The following SIRT2 variants were observed in gnomAD, a reference collection of about 807,000 sequenced individuals.
SIRT2 encodes NAD-dependent protein deacetylase sirtuin-2.
In SIRT2, 40 loss-of-function variants were observed where a neutral mutation model predicts 57.4. That is an observed-to-expected ratio of 0.70 (90% CI 0.54 to 0.91). The LOEUF (loss-of-function observed/expected upper bound fraction) is 0.91, where lower values mean the gene tolerates loss of function less well. SIRT2 is among the 40% of genes least tolerant of loss of function. SIRT2 has a pLI of 0.00. For synonymous variants in SIRT2, 161 were observed against 195.7 expected (o/e 0.82, Z 1.48); for missense variants, 439 against 510.4 (o/e 0.86, Z 1.35).
At position 38,893,434 on chromosome 19, in the gene SIRT2, C is replaced by T. The variant is rs201911244; in HGVS notation, c.206G>A (p.Arg69Gln). The change falls in exon 4 of 16, where the codon CGG becomes CAG. Residue 69 changes from arginine (R) to glutamine (Q), a missense_variant. Coordinates refer to ENST00000249396, the MANE Select transcript of SIRT2 (RefSeq NM_012237.4). ...CTCACAGCGTTCGCTCTGCATGTAC[C>T]GGGCCACCCCTTCCAAGGTCAGCTC... ...LDELTLEGVA[R>Q]YMQSERCRRV... The T allele has an allele frequency of 5.8e-5, 93 of 1,613,202 alleles. No individual in the cohort carries two copies. The highest frequency in any genetic ancestry group is 4.4e-4 in the South Asian group (40 of 91,070).
Position 38,893,887 on chromosome 19 carries a change from G to A in SIRT2, c.64-20C>T, listed in dbSNP as rs780238478. ...TGAGTCCTGGAAGGGGTGGGGTGGA[G>A]TGGCCAGGCCCGAGAGGTGGGATTA... On this transcript the variant is annotated intron_variant, in intron 2 of 15. Transcript: ENST00000249396. 3.7e-6 allele frequency: 6 copies of A among 1,613,948 alleles called. No individual in the cohort carries two copies. The Admixed American group carries it at 8.3e-5, about 22-fold the overall frequency.
chr19:38,879,400 G>A, intron 15 of SIRT2, 34 bp downstream of exon 15: 1 of 1,591,502 alleles, frequency 6.3e-7, no homozygotes, highest in African/African-American at 1.3e-5. Context: ...CAGGGATGGG[G>A]CTCAGGACAG....
chr19:38,894,319 A>T (rs1973648375), intron 2 of SIRT2: 1 of 195,874 alleles, frequency 5.1e-6, no homozygotes, highest in Non-Finnish European at 1.1e-5. Context: ...TCTGTTGCCC[A>T]GGGTGGTCTT....
At chr19:38,886,487 C>T (rs1973344205) in intron 8 of SIRT2, among the ~76,000 whole-genome samples, 1 of 148,496 alleles carries the variant, frequency 6.7e-6, no homozygotes, top group African/African-American at 2.5e-5. Flanking sequence ...GGATTTTGCT[C>T]TACTGGTCCA....
At position 38,889,934 on chromosome 19, in the gene SIRT2, G is replaced by A. The variant is rs1295226901; in HGVS notation, c.296C>T (p.Pro99Leu). Residue 99 changes from proline (P) to leucine (L), a missense_variant, in exon 6 of 16, where the codon CCA (proline) becomes CTA (leucine). Coordinates refer to ENST00000249396, the MANE Select transcript of SIRT2 (RefSeq NM_012237.4). ...TAGGTTGTCATAGAGGCCGGTGGATGGAGAGCGAAAGTCGGGGATGCCTGC... is the reference window on the plus strand; with the variant it reads ...TAGGTTGTCATAGAGGCCGGTGGATAGAGAGCGAAAGTCGGGGATGCCTGC... The part of the protein sequence containing the change: ...TSAGIPDFRS[P>L]STGLYDNLEK... The A allele has an allele frequency of 6.2e-7, 1 of 1,614,198 alleles. No homozygotes were observed. Among genetic ancestry groups the A allele is most frequent in the Admixed American group, 1.7e-5 (1 of 60,030 alleles).
At chr19:38,883,931 A>G (rs928837474) in intron 8 of SIRT2, among the ~76,000 whole-genome samples, 175 bp from the exon 9 acceptor site, 2 of 152,110 alleles carry the variant, frequency 1.3e-5, no homozygotes, top group African/African-American at 4.8e-5. Flanking sequence ...GTTCATCCCA[A>G]TGGTGCCACT....
chr19:38,890,211 C>A, intron 4 of SIRT2, 67 bp from the exon 5 acceptor site: 3 of 1,537,362 alleles, frequency 2.0e-6, no homozygotes, highest in Non-Finnish European at 2.7e-6. Flanking sequence ...CACCACCCAT[C>A]ACAGCCCCTG....
chr19:38,884,992 C>T (rs11880757), intron 8 of SIRT2, among the ~76,000 whole-genome samples: 4,010 of 152,214 alleles, frequency 0.026, 171 homozygotes, highest in African/African-American at 0.091. Flanking sequence ...AGTCATCATG[C>T]CTGGCCCTTC....
intron 13 of SIRT2, chr19:38,879,947 T>G: frequency 3.9e-6 from 2 of 513,806 alleles, no homozygotes; most frequent in South Asian, 5.0e-5. Flanking sequence ...CGCCTCAACC[T>G]CCCGAGTAGC....
Position 38,889,913 on chromosome 19 carries a change from T to C in SIRT2, c.317A>G (p.Asn106Ser), listed in dbSNP as rs1462742971. 1 of 1,614,062 alleles carries C rather than the reference T, an allele frequency of 6.2e-7. No individual in the cohort carries two copies. Among genetic ancestry groups the C allele is most frequent in the Admixed American group, 1.7e-5 (1 of 60,006 alleles). ...GTAGGGAAGATGGTACTTCTCTAGGTTGTCATAGAGGCCGGTGGATGGAGA... is the reference window on the plus strand; with the variant it reads ...GTAGGGAAGATGGTACTTCTCTAGGCTGTCATAGAGGCCGGTGGATGGAGA... ...FRSPSTGLYD[N>S]LEKYHLPYPE... Residue 106 changes from asparagine (N) to serine (S), a missense_variant, in exon 6 of 16, where the codon AAC (asparagine) becomes AGC (serine). Asn to Ser is a conservative substitution (Grantham distance 46, BLOSUM62 1). Coordinates refer to ENST00000249396, the MANE Select transcript of SIRT2 (RefSeq NM_012237.4).
intron 8 of SIRT2, among the ~76,000 whole-genome samples, chr19:38,887,735 A>G (rs1973387186): frequency 6.6e-6 from 1 of 152,088 alleles, no homozygotes; most frequent in Admixed American, 6.6e-5. Context: ...TTTATTTTCA[A>G]TGTTACCACT....
rs200159438 is a variant in SIRT2 at position 38,889,898 on chromosome 19, T to C, written c.332A>G (p.His111Arg). The C allele has an allele frequency of 4.2e-5, 68 of 1,613,868 alleles. No individual in the cohort carries two copies. The highest frequency in any genetic ancestry group is 1.1e-5 in the South Asian group (1 of 91,074). The change falls in exon 6 of 16, where the codon CAT becomes CGT. Residue 111 changes from histidine to arginine, a missense_variant. By Grantham distance (29) the His-to-Arg change is conservative. Transcript: ENST00000249396. ...TGLYDNLEKY[H>R]LPYPEAIFEI... ...AAAGATGGCCTCTGGGTAGGGAAGA[T>C]GGTACTTCTCTAGGTTGTCATAGAG...
In SIRT2 at chr19:38,879,125, G is replaced by C. The variant is rs748433543; in HGVS notation, c.*30C>G. The C allele has an allele frequency of 6.5e-7, 1 of 1,541,238 alleles. No homozygotes were observed. Among genetic ancestry groups the C allele is most frequent in the Non-Finnish European group, 8.7e-7 (1 of 1,150,710 alleles). ...GTTGGGGCTCAGCTGTCCCTGAGGA[G>C]CTCGGCATCCCGCCTGGGAGATGCA... On this transcript the variant is annotated 3_prime_UTR_variant, in exon 16 of 16. Coordinates refer to ENST00000249396, the MANE Select transcript of SIRT2 (RefSeq NM_012237.4).
intron 2 of SIRT2, chr19:38,894,891 CT>C (rs1320051573): frequency 2.2e-6 from 1 of 456,164 alleles, no homozygotes; most frequent in Admixed American, 2.4e-5. Flanking sequence ...TCTCTCTGCC[CT>C]CAGATCCGGG....
Position 38,881,507 on chromosome 19 carries a change from G to C in SIRT2, c.632-16C>G, listed in dbSNP as rs202130078. The C allele has an allele frequency of 1.2e-6, 2 of 1,611,458 alleles. No homozygotes were observed. Among genetic ancestry groups the C allele is most frequent in the East Asian group, 2.2e-5 (1 of 44,848 alleles). ...AAGATCTTCTCTGGGTATGGGGAAG[G>C]GGAAGAAAGAGAAGGCAGTAAGAGG... On this transcript the variant is annotated splice_polypyrimidine_tract_variant and intron_variant, in intron 9 of 15. Transcript: ENST00000249396.
chr19:38,896,538 A>G (rs192237417), intron 2 of SIRT2, among the ~76,000 whole-genome samples: 205 of 152,232 alleles, frequency 1.3e-3, no homozygotes, highest in Admixed American at 3.8e-3. Flanking sequence ...GAGCAGCTAC[A>G]TAGTATTGGA....
intron 2 of SIRT2, among the ~76,000 whole-genome samples, chr19:38,896,625 G>T (rs745621821): frequency 1.3e-5 from 2 of 152,162 alleles, no homozygotes; most frequent in Non-Finnish European, 2.9e-5. Context: ...GCCCTGTGAC[G>T]GACAATGCTG....
intron 2 of SIRT2, among the ~76,000 whole-genome samples, chr19:38,897,950 C>T (rs771192145): frequency 7.9e-5 from 12 of 152,200 alleles, no homozygotes; most frequent in Non-Finnish European, 1.3e-4. Flanking sequence ...GCGATCCTCG[C>T]GCCTCAGTCT....
chr19:38,881,083 G>A lies in SIRT2; in HGVS notation c.747+17C>T, dbSNP rs748304191. On this transcript the variant is annotated intron_variant, in intron 11 of 15. Coordinates refer to ENST00000249396, the MANE Select transcript of SIRT2 (RefSeq NM_012237.4). ...AGGCGGCGGTTGGGGATGCGGGGAG[G>A]CTGGGGGGCCACTTACTGACTGCAT... is the stretch of plus-strand genomic sequence containing the variant. 3.7e-6 allele frequency: 6 copies of A among 1,612,170 alleles called. No individual in the cohort carries two copies. In the South Asian group the frequency reaches 5.5e-5, roughly 15 times the overall value.
Sources: gnomAD v4.1 joint callset for allele counts (sites outside exome capture counted in the v4.1 genomes callset) on GRCh38, gnomAD v4.1.1 for gene constraint, MANE v1.5 for transcripts, NCBI Gene and HGNC (gene_info 2026-07-23, HGNC 2026-07-21) for gene names.